MARK4: variants seen among roughly 807,000 people sequenced by gnomAD.
MARK4 encodes microtubule affinity regulating kinase 4, also known as MAP/microtubule affinity-regulating kinase 4.
MARK4 carries 19 observed loss-of-function variants against 81.5 expected under a neutral mutation model. The ratio of observed to expected loss-of-function variants is 0.23; its 90% confidence interval spans 0.16 to 0.34. MARK4 has a LOEUF of 0.34. Among genes scored for constraint, MARK4 ranks in the 10% least tolerant of loss-of-function variants. The probability of loss-of-function intolerance (pLI) is 1.00; values close to 1 mark genes in which losing one functional copy is unlikely to be tolerated. For missense variants in MARK4, 772 were observed against 1,058.8 expected (o/e 0.73, Z 3.76); for synonymous variants, 436 against 439.0 (o/e 0.99, Z 0.08).
At position 45,298,249 on chromosome 19, in the gene MARK4, G is replaced by A. The variant is rs769635488; in HGVS notation, c.1877+295G>A. ...TAAGTCCCGTCCATGCCCTGTTCTC[G>A]CTGGCTCTGCCTCCCTGCCTGCATG... On this transcript the variant is annotated intron_variant, in intron 15 of 16. Coordinates refer to ENST00000262891, the MANE Select transcript of MARK4 (RefSeq NM_001199867.2). 28 of 1,610,040 alleles carry A rather than the reference G, an allele frequency of 1.7e-5. No individual in the cohort carries two copies. In the East Asian group the frequency reaches 2.2e-4, roughly 13 times the overall value.
intron 1 of MARK4, among the ~76,000 whole-genome samples, chr19:45,252,316 G>A (rs1320298070): frequency 6.6e-6 from 1 of 151,982 alleles, no homozygotes; most frequent in Non-Finnish European, 1.5e-5. Context: ...GCACCCCGGG[G>A]CCCCCAGATG....
intron 1 of MARK4, among the ~76,000 whole-genome samples, chr19:45,257,750 C>T (rs1380624384): frequency 3.1e-4 from 46 of 148,706 alleles, no homozygotes; most frequent in African/African-American, 1.1e-3. Flanking sequence ...AGTGCAGCGG[C>T]GCGATCTCGG....
At chr19:45,292,690 A>C (rs998318998) in intron 13 of MARK4, among the ~76,000 whole-genome samples, 5 of 151,896 alleles carry the variant, frequency 3.3e-5, no homozygotes, top group African/African-American at 1.2e-4. Flanking sequence ...CAGCCTGGAC[A>C]ACATAGACCC....
At chr19:45,264,134 C>G (rs1294303645) in intron 4 of MARK4, among the ~76,000 whole-genome samples, 6 of 152,116 alleles carry the variant, frequency 3.9e-5, no homozygotes, top group Non-Finnish European at 8.8e-5. Context: ...GTGCCAGACC[C>G]TGGGGACACA....
At chr19:45,252,209 A>C (rs1970253037) in intron 1 of MARK4, among the ~76,000 whole-genome samples, 1 of 150,012 alleles carries the variant, frequency 6.7e-6, no homozygotes, top group South Asian at 2.1e-4. Context: ...GCTGGTTTCC[A>C]CCTCTCCTGG....
chr19:45,290,570 T>C (rs28592182), intron 13 of MARK4, among the ~76,000 whole-genome samples: 17,213 of 152,280 alleles, frequency 0.11, 1,115 homozygotes, highest in African/African-American at 0.17. Context: ...TGACTGGCCG[T>C]GACAACCCTT....
At chr19:45,301,043 A>G (rs370812236) in intron 16 of MARK4, among the ~76,000 whole-genome samples, 2 of 152,200 alleles carry the variant, frequency 1.3e-5, no homozygotes, top group East Asian at 1.9e-4. Context: ...ACATTGGAGA[A>G]TGTTTTTCAT....
rs371992110 is a variant in MARK4 at position 45,280,746 on chromosome 19, C to G, written c.1276+12C>G. ...GCATAGCGATTTCTGTGAGTATCAA[C>G]CCCACGCCCTCACGCACCCTCCTTC... On this transcript the variant is annotated intron_variant, in intron 12 of 16. Transcript: ENST00000262891. 7.4e-6 allele frequency: 12 copies of G among 1,613,448 alleles called. No individual in the cohort carries two copies. In the African/African-American group the frequency reaches 1.5e-4, roughly 20 times the overall value.
chr19:45,277,765 C>T (rs554649123), intron 8 of MARK4, among the ~76,000 whole-genome samples, 158 bp from the exon 9 acceptor site: 6 of 151,380 alleles, frequency 4.0e-5, no homozygotes, highest in Admixed American at 2.0e-4. Context: ...TTGCTTACCT[C>T]GTCAAGGACT....
intron 13 of MARK4, 79 bp downstream of exon 13, chr19:45,287,743 C>A: frequency 6.8e-7 from 1 of 1,477,044 alleles, no homozygotes; most frequent in Non-Finnish European, 9.3e-7. Context: ...CATCTCATTC[C>A]CCAGACGGAA....
At chr19:45,263,627 A>AGCTACTCG (rs748969253) in intron 4 of MARK4, among the ~76,000 whole-genome samples, 6 of 151,926 alleles carry the variant, frequency 3.9e-5, no homozygotes, top group Non-Finnish European at 8.8e-5. Flanking sequence ...CTGTAATCCC[A>AGCTACTCG]GCTACTCGGG....
Position 45,271,900 on chromosome 19 carries a change from A to G in MARK4, c.786+192A>G, listed in dbSNP as rs1970532632. 6.6e-6 allele frequency among the ~76,000 whole-genome samples: 1 copy of G among 152,194 alleles called. No homozygotes were observed. The highest frequency in any genetic ancestry group is 2.1e-4 in the South Asian group (1 of 4,826). ...GAATGGACTGTGCCATGCTGGGGTT[A>G]AGGGCATGATCTTTGCAGCTGATAG... On this transcript the variant is annotated intron_variant, in intron 8 of 16. Coordinates refer to ENST00000262891, the MANE Select transcript of MARK4 (RefSeq NM_001199867.2). The surrounding 1 kb of genome is among the most constrained non-coding windows in gnomAD (Gnocchi z 4.1).
chr19:45,287,967 A>C, intron 13 of MARK4: 2 of 424,724 alleles, frequency 4.7e-6, no homozygotes, highest in Non-Finnish European at 8.8e-6. Flanking sequence ...GGCCAGGCAC[A>C]GTGGCTCATG....
chr19:45,286,669 C>T (rs1211054161), intron 12 of MARK4, among the ~76,000 whole-genome samples: 2 of 151,824 alleles, frequency 1.3e-5, no homozygotes, highest in Non-Finnish European at 2.9e-5. Flanking sequence ...GCTGAGGTCA[C>T]ACCACTGTAC....
intron 7 of MARK4, among the ~76,000 whole-genome samples, chr19:45,270,999 A>G (rs1225048451): frequency 2.0e-5 from 3 of 152,098 alleles, no homozygotes; most frequent in Non-Finnish European, 2.9e-5. Flanking sequence ...TGAACTCCCA[A>G]CCTCAGGTGA....
At chr19:45,295,509 TCA>T (rs1207091595) in intron 14 of MARK4, among the ~76,000 whole-genome samples, 1 of 152,058 alleles carries the variant, frequency 6.6e-6, no homozygotes, top group African/African-American at 2.4e-5. Flanking sequence ...GCATGGTGGC[TCA>T]CACCTGTAAT....
chr19:45,292,303 G>A (rs905704089), intron 13 of MARK4, among the ~76,000 whole-genome samples: 5 of 152,002 alleles, frequency 3.3e-5, no homozygotes, highest in African/African-American at 1.2e-4. Context: ...GAGGCAGTTT[G>A]AGAAAGTGGC....
intron 1 of MARK4, among the ~76,000 whole-genome samples, chr19:45,255,559 CAAAAAAAAAAAA>C (rs34066317): frequency 3.3e-4 from 30 of 90,246 alleles, no homozygotes; most frequent in Admixed American, 4.9e-4. Flanking sequence ...GAAACTCTGC[CAAAAAAAAAAAA>C]AAAAAAAAAA....
At chr19:45,264,991 T>A in intron 6 of MARK4, 81 bp downstream of exon 6, 3 of 1,417,556 alleles carry the variant, frequency 2.1e-6, no homozygotes, top group Non-Finnish European at 9.9e-7. Context: ...TGGTCTGGGC[T>A]GTCCAGCGAC....
Sources: gnomAD v4.1 joint callset for allele counts (sites outside exome capture counted in the v4.1 genomes callset) on GRCh38, gnomAD v4.1.1 for gene constraint, Gnocchi (gnomAD v3.1) non-coding constraint, MANE v1.5 for transcripts, NCBI Gene and HGNC (gene_info 2026-07-23, HGNC 2026-07-21) for gene names.